Variants in VWA8 observed in about 807,000 individuals in gnomAD.
VWA8 encodes the protein von Willebrand factor A domain containing 8.
In VWA8, 221 loss-of-function variants were observed where a neutral mutation model predicts 241.5. The observed-to-expected ratio is 0.91, with a 90% CI of 0.82 to 1.02. The LOEUF (loss-of-function observed/expected upper bound fraction) is 1.02, where lower values mean the gene tolerates loss of function less well. VWA8 is among the 50% of genes least tolerant of loss of function. VWA8 has a pLI of 0.00. For missense variants in VWA8, 2,322 were observed against 2,328.7 expected (o/e 1.00, Z 0.06); for synonymous variants, 852 against 827.1 (o/e 1.03, Z -0.52).
At chr13:41,802,626 G>A (rs1870012256) in intron 17 of VWA8, among the ~76,000 whole-genome samples, 1 of 152,218 alleles carries the variant, frequency 6.6e-6, no homozygotes, top group African/African-American at 2.4e-5. Context: ...AGAGGACTTT[G>A]TCTTACAATT....
At chr13:41,946,724 G>A (rs780437840) in intron 2 of VWA8, among the ~76,000 whole-genome samples, 1 of 151,992 alleles carries the variant, frequency 6.6e-6, no homozygotes, top group South Asian at 2.1e-4. Context: ...AGGCATTTAG[G>A]GGGTAGAGTC....
At chr13:41,883,284 G>A in intron 9 of VWA8, 103 bp downstream of exon 9, 2 of 844,150 alleles carry the variant, frequency 2.4e-6, no homozygotes, top group Non-Finnish European at 3.8e-6. Flanking sequence ...AGGATGGGGA[G>A]AGAAAAATAG....
chr13:41,758,886 T>G (rs2137903655), intron 21 of VWA8, among the ~76,000 whole-genome samples: 1 of 151,658 alleles, frequency 6.6e-6, no homozygotes, highest in East Asian at 1.9e-4. Context: ...GGATATTGAA[T>G]TTTCTCAAAT....
At chr13:41,645,706 G>C (rs747318603) in intron 37 of VWA8, among the ~76,000 whole-genome samples, 1 of 152,146 alleles carries the variant, frequency 6.6e-6, no homozygotes, top group South Asian at 2.1e-4. Context: ...AAAAAAACGA[G>C]AATAAATGTG....
chr13:41,685,058 A>G lies in VWA8; in HGVS notation c.4316T>C (p.Ile1439Thr), dbSNP rs761992111. Residue 1439 changes from isoleucine (I) to threonine (T), a missense_variant, in exon 35 of 45, where the codon ATC becomes ACC. Ile to Thr is a moderately conservative substitution (Grantham distance 89). Transcript: ENST00000379310. ...LPPGEVPLKD[I>T]YPKDVTPPQT... ...GAGTTCCTTCTTACCTTTTGGGTAG[A>G]TATCTTTTAGAGGGACTTCTCCTGG... is the stretch of plus-strand genomic sequence containing the variant. 3.1e-6 allele frequency: 5 copies of G among 1,612,938 alleles called. No individual in the cohort carries two copies. In the African/African-American group the frequency reaches 4.0e-5, roughly 13 times the overall value.
intron 12 of VWA8, among the ~76,000 whole-genome samples, chr13:41,863,763 A>G (rs951264624): frequency 6.6e-6 from 1 of 152,106 alleles, no homozygotes; most frequent in African/African-American, 2.4e-5. Context: ...GGAGCTAAAC[A>G]TTGAGTACAC....
At chr13:41,779,835 C>T (rs910653174) in intron 19 of VWA8, among the ~76,000 whole-genome samples, 3 of 152,132 alleles carry the variant, frequency 2.0e-5, no homozygotes, top group Admixed American at 1.3e-4. Context: ...CTTTACAATT[C>T]TCATGTCCTT....
At chr13:41,884,994 C>G (rs958655035) in intron 8 of VWA8, among the ~76,000 whole-genome samples, 1 of 152,116 alleles carries the variant, frequency 6.6e-6, no homozygotes, top group Non-Finnish European at 1.5e-5. Flanking sequence ...ATGGTGCCCT[C>G]CTCCACAGGG....
chr13:41,624,483 A>C (rs2044676037), intron 37 of VWA8, among the ~76,000 whole-genome samples: 1 of 152,214 alleles, frequency 6.6e-6, no homozygotes, highest in African/African-American at 2.4e-5. Context: ...ATCACAATCA[A>C]GTAGGCTTTA....
intron 12 of VWA8, 145 bp downstream of exon 12, chr13:41,865,591 T>C: frequency 4.8e-6 from 4 of 833,456 alleles, no homozygotes; most frequent in Non-Finnish European, 7.3e-6. Context: ...ATAATTGCAC[T>C]TTAATTTGAA....
chr13:41,761,073 G>A (rs901757027), intron 21 of VWA8, 55 bp downstream of exon 21: 7 of 1,552,382 alleles, frequency 4.5e-6, no homozygotes, highest in Admixed American at 1.9e-5. Context: ...TGTACCAGGA[G>A]GGAAACAAAT....
At chr13:41,833,038 T>C (rs1005861799) in intron 13 of VWA8, among the ~76,000 whole-genome samples, 1 of 152,154 alleles carries the variant, frequency 6.6e-6, no homozygotes, top group Non-Finnish European at 1.5e-5. Context: ...TCTGACAAAT[T>C]ATAGAAACTT....
At chr13:41,771,177 C>T (rs2045820365) in intron 20 of VWA8, among the ~76,000 whole-genome samples, 1 of 152,108 alleles carries the variant, frequency 6.6e-6, no homozygotes, top group African/African-American at 2.4e-5. Context: ...GGCTAGAGTG[C>T]AGTGCTGTGA....
chr13:41,910,067 C>G (rs139055190), intron 3 of VWA8, among the ~76,000 whole-genome samples: 49 of 152,286 alleles, frequency 3.2e-4, no homozygotes, highest in African/African-American at 1.2e-3. Flanking sequence ...CTATGGTTGC[C>G]TCAGCTCCAT....
chr13:41,885,556 C>A (rs148204627), intron 8 of VWA8, among the ~76,000 whole-genome samples: 94 of 152,316 alleles, frequency 6.2e-4, no homozygotes, highest in Middle Eastern at 6.8e-3. Flanking sequence ...GACACAGAGA[C>A]TGATGGAAGC....
intron 37 of VWA8, among the ~76,000 whole-genome samples, chr13:41,670,263 A>G (rs1318611247): frequency 6.6e-6 from 1 of 151,816 alleles, no homozygotes; most frequent in Non-Finnish European, 1.5e-5. Context: ...TCCCTTTATT[A>G]TATGCTTTAG....
intron 11 of VWA8, 43 bp downstream of exon 11, chr13:41,865,859 A>C: frequency 6.2e-7 from 1 of 1,614,128 alleles, no homozygotes; most frequent in Non-Finnish European, 8.5e-7. Flanking sequence ...AAATAACCAA[A>C]AGCCAGGAAA....
chr13:41,745,327 C>T (rs2045597192), intron 21 of VWA8, among the ~76,000 whole-genome samples: 1 of 151,988 alleles, frequency 6.6e-6, no homozygotes, highest in Non-Finnish European at 1.5e-5. Context: ...GTGTGATGTT[C>T]CCGGCTCTGT....
chr13:41,744,837 A>T (rs1257830069), intron 21 of VWA8, among the ~76,000 whole-genome samples: 1 of 151,512 alleles, frequency 6.6e-6, no homozygotes, highest in Non-Finnish European at 1.5e-5. Flanking sequence ...ATTTTTATTT[A>T]TTTATTTATT....
Sources: allele counts gnomAD v4.1 joint callset (sites outside exome capture counted in the v4.1 genomes callset), GRCh38; gene constraint gnomAD v4.1.1; transcripts MANE v1.5; gene names NCBI Gene and HGNC (gene_info 2026-07-23, HGNC 2026-07-21).